The following USP54 variants were observed in gnomAD, a reference collection of about 807,000 sequenced individuals.
The protein encoded by USP54 is ubiquitin specific peptidase 54, also known as ubiquitin carboxyl-terminal hydrolase 54.
Under a neutral mutation model 170.5 loss-of-function variants are expected in USP54, and 87 were observed. The observed-to-expected ratio is 0.51, with a 90% confidence interval of 0.43 to 0.61. USP54 has a LOEUF of 0.61. USP54 is among the 20% of genes least tolerant of loss of function. The pLI is 0.00. For synonymous variants in USP54, 655 were observed against 742.8 expected, an observed-to-expected ratio of 0.88 and a Z score of 1.92; for missense variants, 1,786 against 2,047.8, an observed-to-expected ratio of 0.87 and a Z score of 2.47.
intron 1 of USP54, among the ~76,000 whole-genome samples, chr10:73,585,801 T>C (rs1268422535): frequency 6.6e-6 from 1 of 152,156 alleles, no homozygotes; most frequent in African/African-American, 2.4e-5. Flanking sequence ...GGTGGGCAGA[T>C]CACGAGGTCA....
intron 4 of USP54, among the ~76,000 whole-genome samples, chr10:73,570,341 T>C (rs1279442096): frequency 1.3e-5 from 2 of 152,110 alleles, no homozygotes; most frequent in East Asian, 3.9e-4. Flanking sequence ...GCCATTTTCT[T>C]TGCTCTAAAG....
intron 7 of USP54, chr10:73,541,968 G>T: frequency 1.9e-6 from 1 of 529,062 alleles, no homozygotes. Flanking sequence ...CCAGTACTGA[G>T]CCTAAGAAAA....
At chr10:73,624,236 C>T (rs1180450432) in intron 1 of USP54, among the ~76,000 whole-genome samples, 2 of 133,258 alleles carry the variant, frequency 1.5e-5, no homozygotes, top group Admixed American at 8.5e-5. Flanking sequence ...CTCGCTCTGT[C>T]GCCCAGACTG....
rs373247313 is a variant in USP54 at position 73,589,330 on chromosome 10, C to A, written c.-582+1948G>T. ...AAAAGGTCTACAGAAGAAAGATACT[C>A]TATTTTATGGTCAGTAGGACAAACG... On this transcript the variant is annotated intron_variant, in intron 1 of 23. Transcript: ENST00000687698. Among the ~76,000 whole-genome samples the A allele has an allele frequency of 2.0e-4, 30 of 152,296 alleles. No homozygotes were observed. The East Asian group carries it at 2.7e-3, about 14-fold the overall frequency.
Position 73,504,969 on chromosome 10 carries a change from T to C in USP54, c.4192A>G (p.Ser1398Gly), listed in dbSNP as rs1438694183. 9 of 1,614,056 alleles carry C rather than the reference T, an allele frequency of 5.6e-6. No homozygotes were observed. The highest frequency in any genetic ancestry group is 5.9e-6 in the Non-Finnish European group (7 of 1,180,036). The change falls in exon 22 of 24, where the codon AGC becomes GGC. Residue 1398 changes from serine to glycine, a missense_variant. Physicochemically the swap from Ser to Gly is moderately conservative, Grantham distance 56. Around this residue, in one of 3 missense-constraint regions of USP54, gnomAD observed 1,418 missense variants for 1,569.0 expected, o/e 0.90. Transcript: ENST00000687698. ...TSQATPCRGL[S>G]RECGEDEQYS... ...TGCTCATCCTCCCCACACTCCCTGCTGAGGCCTCGGCAAGGTGTAGCCTTC... is the reference window on the plus strand; with the variant it reads ...TGCTCATCCTCCCCACACTCCCTGCCGAGGCCTCGGCAAGGTGTAGCCTTC...
chr10:73,571,031 G>A (rs960579714), intron 4 of USP54, among the ~76,000 whole-genome samples: 1 of 151,412 alleles, frequency 6.6e-6, no homozygotes. Flanking sequence ...CCAGCTACTC[G>A]GGAGGCTGAG....
At chr10:73,542,026 T>G (rs1479860102) in intron 7 of USP54, 3 of 395,252 alleles carry the variant, frequency 7.6e-6, no homozygotes, top group Non-Finnish European at 1.4e-5. Context: ...TATTTTTAAA[T>G]TACTGTTCTG....
At chr10:73,545,233 C>G (rs2067523695) in intron 5 of USP54, among the ~76,000 whole-genome samples, 1 of 152,110 alleles carries the variant, frequency 6.6e-6, no homozygotes, top group African/African-American at 2.4e-5. Flanking sequence ...TCCGGGACTC[C>G]TCTGCCGGGC....
At chr10:73,547,496 C>G (rs1198069936) in intron 4 of USP54, among the ~76,000 whole-genome samples, 1 of 152,202 alleles carries the variant, frequency 6.6e-6, no homozygotes, top group East Asian at 1.9e-4. Flanking sequence ...TACAAGACTA[C>G]AGTAACCAAA....
chr10:73,543,161 C>T (rs1276631120), intron 5 of USP54, 30 bp from the exon 6 acceptor site: 1 of 1,472,030 alleles, frequency 6.8e-7, no homozygotes, highest in Non-Finnish European at 9.5e-7. Context: ...AGCAGTATAC[C>T]AACAATATTT....
intron 1 of USP54, among the ~76,000 whole-genome samples, chr10:73,589,998 A>T (rs1439244030): frequency 6.6e-6 from 1 of 152,202 alleles, no homozygotes; most frequent in African/African-American, 2.4e-5. Flanking sequence ...CAGATTACTT[A>T]TCCTCTTTCA....
At chr10:73,613,704 C>A (rs956103868) in intron 1 of USP54, among the ~76,000 whole-genome samples, 3 of 149,958 alleles carry the variant, frequency 2.0e-5, no homozygotes, top group African/African-American at 7.4e-5. Flanking sequence ...ATGGTGAAAC[C>A]CCGTCTCTAC....
intron 5 of USP54, among the ~76,000 whole-genome samples, chr10:73,543,837 C>T (rs1397093444): frequency 6.6e-6 from 1 of 152,176 alleles, no homozygotes; most frequent in Non-Finnish European, 1.5e-5. Flanking sequence ...CATTTAGAGC[C>T]TTACCCGTCC....
chr10:73,606,870 CAA>C (rs2079680200), intron 1 of USP54, among the ~76,000 whole-genome samples: 1 of 96,252 alleles, frequency 1.0e-5, no homozygotes, highest in Non-Finnish European at 2.0e-5. Context: ...CAGAGCGAGA[CAA>C]TATCTCAAAA....
At chr10:73,522,889 C>G (rs911919681) in intron 17 of USP54, among the ~76,000 whole-genome samples, 2 of 152,122 alleles carry the variant, frequency 1.3e-5, no homozygotes, top group Non-Finnish European at 2.9e-5. Flanking sequence ...ACTGCTTTAG[C>G]ACAATTTGTT....
intron 4 of USP54, among the ~76,000 whole-genome samples, chr10:73,565,540 T>C (rs1205968924): frequency 6.6e-6 from 1 of 151,780 alleles, no homozygotes; most frequent in Non-Finnish European, 1.5e-5. Context: ...ATAAATAACT[T>C]AGCCTACCTA....
intron 4 of USP54, among the ~76,000 whole-genome samples, chr10:73,566,658 G>A (rs1429250314): frequency 6.6e-6 from 1 of 151,804 alleles, no homozygotes; most frequent in Admixed American, 6.6e-5. Flanking sequence ...TTGAACCCAG[G>A]AGGCAGAGGT....
chr10:73,616,206 C>G (rs1280052451), intron 1 of USP54, among the ~76,000 whole-genome samples: 2 of 149,444 alleles, frequency 1.3e-5, no homozygotes, highest in African/African-American at 2.6e-5. Flanking sequence ...GGGATGGTGG[C>G]AAGTGCCTGT....
intron 1 of USP54, among the ~76,000 whole-genome samples, chr10:73,607,893 A>G (rs1256225901): frequency 6.6e-6 from 1 of 151,730 alleles, no homozygotes; most frequent in African/African-American, 2.4e-5. Flanking sequence ...TGCTTAATTG[A>G]GTAGTAAGGA....
Sources: gnomAD v4.1 joint callset for allele counts (sites outside exome capture counted in the v4.1 genomes callset) on GRCh38, gnomAD v4.1.1 for gene constraint, gnomAD v4.1.1 regional missense constraint, MANE v1.5 for transcripts, NCBI Gene and HGNC (gene_info 2026-07-23, HGNC 2026-07-21) for gene names.